Variants in SLC41A3 observed in about 807,000 individuals in gnomAD.
SLC41A3 encodes the protein SLC41A1-like 2.
A neutral mutation model predicts 45.4 loss-of-function variants in SLC41A3; 44 were observed. The ratio of observed to expected loss-of-function variants is 0.97; its 90% confidence interval spans 0.76 to 1.25. The LOEUF (loss-of-function observed/expected upper bound fraction) is 1.25, where lower values mean the gene tolerates loss of function less well. Ranked by LOEUF, SLC41A3 falls within the 50% of genes most tolerant of loss-of-function variation. SLC41A3 has a pLI of 0.00. For missense variants in SLC41A3, 550 were observed against 600.6 expected (o/e 0.92, Z 0.88); for synonymous variants, 256 against 252.4 (o/e 1.01, Z -0.13).
chr3:126,022,469 G>A (rs1268712373), intron 6 of SLC41A3, among the ~76,000 whole-genome samples: 3 of 152,204 alleles, frequency 2.0e-5, no homozygotes, highest in Admixed American at 6.5e-5. Flanking sequence ...TGGTCTGGAG[G>A]TGGTGCAGGG....
At chr3:126,050,165 C>T (rs1943230862) in intron 3 of SLC41A3, among the ~76,000 whole-genome samples, 1 of 152,292 alleles carries the variant, frequency 6.6e-6, no homozygotes, top group East Asian at 1.9e-4. Context: ...ATCTCTGGGG[C>T]CACTGTTCAG....
At chr3:126,099,700 A>G (rs1945671109) in intron 1 of SLC41A3, among the ~76,000 whole-genome samples, 1 of 152,164 alleles carries the variant, frequency 6.6e-6, no homozygotes, top group Non-Finnish European at 1.5e-5. Flanking sequence ...AAATAAATAA[A>G]TAAAGAGGGT....
At chr3:126,067,149 C>A (rs1944394860) in intron 2 of SLC41A3, among the ~76,000 whole-genome samples, 1 of 134,704 alleles carries the variant, frequency 7.4e-6, no homozygotes, top group African/African-American at 2.7e-5. Context: ...TTGGTGATCT[C>A]CATCAAAGCC....
intron 1 of SLC41A3, among the ~76,000 whole-genome samples, chr3:126,076,582 T>C (rs185220174): frequency 6.6e-6 from 1 of 152,288 alleles, no homozygotes; most frequent in Admixed American, 6.5e-5. Context: ...TTATGAATCA[T>C]TTATGAGATA....
At chr3:126,009,730 T>C (rs746868534) in intron 9 of SLC41A3, among the ~76,000 whole-genome samples, 2 of 152,174 alleles carry the variant, frequency 1.3e-5, no homozygotes, top group Non-Finnish European at 2.9e-5. Flanking sequence ...GGAATAAAAG[T>C]ATTATTTTAA....
intron 5 of SLC41A3, 193 bp from the exon 6 acceptor site, chr3:126,023,125 A>T (rs1008475306): frequency 5.1e-5 from 34 of 669,496 alleles, no homozygotes; most frequent in Non-Finnish European, 7.0e-5. Flanking sequence ...AGAGCTTCCC[A>T]CTACACTGGA....
chr3:126,040,960 G>C lies in SLC41A3; in HGVS notation c.382-7282C>G, dbSNP rs140815591. On this transcript the variant is annotated intron_variant, in intron 3 of 10. Coordinates refer to ENST00000360370, the MANE Select transcript of SLC41A3 (RefSeq NM_017836.4). ...AGAATCAAAGTATGAAACTGAATAA[G>C]TATCTAGGATAAGTTAATTAAATGA... Among the ~76,000 whole-genome samples the C allele has an allele frequency of 4.0e-3, 607 of 152,264 alleles. 1 individual carries two copies. Among genetic ancestry groups the C allele is most frequent in the Middle Eastern group, 0.01 (3 of 294 alleles).
upstream of SLC41A3, among the ~76,000 whole-genome samples, chr3:126,087,073 T>G (rs1469964274): frequency 6.6e-6 from 1 of 152,168 alleles, no homozygotes; most frequent in African/African-American, 2.4e-5. Flanking sequence ...AGTAGCTTCA[T>G]GCTTATTCCT....
intron 1 of SLC41A3, among the ~76,000 whole-genome samples, chr3:126,070,810 C>T (rs1043312945): frequency 2.0e-5 from 3 of 151,822 alleles, no homozygotes; most frequent in African/African-American, 7.3e-5. Context: ...GGAAGAGCAT[C>T]GGCAAAGGTA....
intron 1 of SLC41A3, among the ~76,000 whole-genome samples, chr3:126,071,772 C>T (rs1944630515): frequency 7.0e-6 from 1 of 142,934 alleles, no homozygotes; most frequent in Non-Finnish European, 1.5e-5. Context: ...AATTAAACAA[C>T]TTTTTTTTTT....
chr3:126,067,516 C>A, intron 2 of SLC41A3: 2 of 398,648 alleles, frequency 5.0e-6, no homozygotes, highest in Non-Finnish European at 9.9e-6. Flanking sequence ...CAGCCGTCTG[C>A]AAGCCAAGGA....
At chr3:126,063,732 C>T (rs1020929528) in intron 2 of SLC41A3, among the ~76,000 whole-genome samples, 6 of 152,192 alleles carry the variant, frequency 3.9e-5, no homozygotes, top group Non-Finnish European at 7.3e-5. Flanking sequence ...CAGACATGGC[C>T]GACGGTGGCC....
intron 8 of SLC41A3, among the ~76,000 whole-genome samples, chr3:126,013,559 T>C (rs1580391196): frequency 8.2e-6 from 1 of 121,388 alleles, no homozygotes. Flanking sequence ...TAAGACTCTG[T>C]CTCAAAAAAA....
chr3:126,098,810 T>TC (rs1255108649), intron 1 of SLC41A3, among the ~76,000 whole-genome samples: 1 of 152,054 alleles, frequency 6.6e-6, no homozygotes, highest in Non-Finnish European at 1.5e-5. Flanking sequence ...AGGGCTGGCC[T>TC]CCATTTTCCC....
At chr3:126,083,422 TAAC>T (rs1410331608) in intron 1 of SLC41A3, among the ~76,000 whole-genome samples, 2 of 152,160 alleles carry the variant, frequency 1.3e-5, no homozygotes, top group Non-Finnish European at 2.9e-5. Context: ...AACAAATAAA[TAAC>T]GGGATTTTAA....
Position 126,081,145 on chromosome 3 carries a change from C to T in SLC41A3, c.-28+2948G>A, listed in dbSNP as rs150384667. Among the ~76,000 whole-genome samples, 822 of 152,168 alleles carry T rather than the reference C, an allele frequency of 5.4e-3. 6 individuals are homozygous for T. Among genetic ancestry groups the T allele is most frequent in the African/African-American group, 0.018 (752 of 41,500 alleles). On this transcript the variant is annotated intron_variant, in intron 1 of 10. Coordinates refer to ENST00000360370, the MANE Select transcript of SLC41A3 (RefSeq NM_017836.4). Reference sequence around the variant, plus strand: ...ACCAGATGAAAGGATAAAGAAGATGCGGTACATATACACAATGGAGTACTA... The same window carrying T: ...ACCAGATGAAAGGATAAAGAAGATGTGGTACATATACACAATGGAGTACTA...
At chr3:126,008,641 C>T (rs752037094) in intron 10 of SLC41A3, 91 bp downstream of exon 10, 65 of 1,565,832 alleles carry the variant, frequency 4.2e-5, no homozygotes, top group Non-Finnish European at 5.4e-5. Flanking sequence ...CCACCCCCAC[C>T]CGCCTCCCTC....
intron 2 of SLC41A3, chr3:126,067,656 G>A (rs1414367863): frequency 3.9e-6 from 2 of 516,178 alleles, no homozygotes; most frequent in African/African-American, 1.9e-5. Context: ...AGCAGTAGTT[G>A]ACTGACACAG....
At chr3:126,056,153 C>T (rs903122915) in intron 2 of SLC41A3, among the ~76,000 whole-genome samples, 8 of 152,148 alleles carry the variant, frequency 5.3e-5, no homozygotes, top group Admixed American at 3.3e-4. Context: ...CATCATTCTG[C>T]GAATCTCTAA....
Sources: allele counts gnomAD v4.1 joint callset (sites outside exome capture counted in the v4.1 genomes callset), GRCh38; gene constraint gnomAD v4.1.1; transcripts MANE v1.5; gene names NCBI Gene and HGNC (gene_info 2026-07-23, HGNC 2026-07-21).